Variants in GNAS observed in about 807,000 individuals in gnomAD.
The protein encoded by GNAS is protein ALEX.
GNAS carries 8 observed loss-of-function variants against 54.5 expected under a neutral mutation model. That is an observed-to-expected ratio of 0.15 (90% CI 0.09 to 0.26). The LOEUF is 0.26. Among genes scored for constraint, GNAS ranks in the 10% least tolerant of loss-of-function variants. The pLI is 1.00. For missense variants in GNAS, 170 were observed against 529.8 expected, an observed-to-expected ratio of 0.32 and a Z score of 6.67; for synonymous variants, 204 against 191.4, an observed-to-expected ratio of 1.07 and a Z score of -0.54.
At chr20:58,896,536 G>GGAACATT (rs2090064183) in intron 2 of GNAS, among the ~76,000 whole-genome samples, 1 of 151,902 alleles carries the variant, frequency 6.6e-6, no homozygotes, top group African/African-American at 2.4e-5. Context: ...ATGCAAACAG[G>GGAACATT]GAACATTCAA....
intron 1 of GNAS, chr20:58,849,023 T>G (rs2145524130): frequency 2.5e-6 from 1 of 396,564 alleles, no homozygotes; most frequent in East Asian, 3.6e-5. Context: ...CAATTCCTAT[T>G]TAAATCTAAG....
upstream of GNAS, chr20:58,889,233 C>CGGCGA: frequency 8.4e-7 from 1 of 1,188,510 alleles, no homozygotes; most frequent in South Asian, 1.4e-5. Flanking sequence ...CGGCGCGGCG[C>CGGCGA]TCCCCTGCTC....
intron 1 of GNAS, among the ~76,000 whole-genome samples, chr20:58,848,047 T>C (rs1479955671): frequency 6.6e-6 from 1 of 152,232 alleles, no homozygotes; most frequent in Non-Finnish European, 1.5e-5. Flanking sequence ...ATTCTTTCTA[T>C]TGGGGGTTCC....
chr20:58,853,401 G>A lies in GNAS; in HGVS notation c.43+12515G>A. The A allele has an allele frequency of 6.4e-7, 1 of 1,572,352 alleles. No individual in the cohort carries two copies. The highest frequency in any genetic ancestry group is 1.2e-5 in the South Asian group (1 of 86,324). On this transcript the variant is annotated intron_variant, in intron 1 of 12. Coordinates refer to the GNAS transcript ENST00000306090. This position sits in a 1 kb window ranked among gnomAD's most constrained non-coding sequence, Gnocchi z 4.4. ...TGCCCCCGGTGCTGGGCCTAGCCCA[G>A]CCGAAGAGATGGAGACCGAACCGCC...
Position 58,853,315 on chromosome 20 carries a change from A to T in GNAS, c.43+12429A>T. On this transcript the variant is annotated intron_variant, in intron 1 of 12. Coordinates refer to the GNAS transcript ENST00000306090. This position sits in a 1 kb window ranked among gnomAD's most constrained non-coding sequence, Gnocchi z 4.4. ...GGCAATAATATGTCAGGACAACGCG[A>T]TATCCCCCCTGAAATCGGGGAACAG... 6.5e-7 allele frequency: 1 copy of T among 1,550,288 alleles called. No individual in the cohort carries two copies. Among genetic ancestry groups the T allele is most frequent in the Non-Finnish European group, 8.7e-7 (1 of 1,146,680 alleles).
At chr20:58,882,716 G>A (rs1318370243) in intron 1 of GNAS, among the ~76,000 whole-genome samples, 1 of 152,194 alleles carries the variant, frequency 6.6e-6, no homozygotes, top group East Asian at 1.9e-4. Flanking sequence ...TGGTGGTGGG[G>A]TGGAGGTGGG....
rs751594909 is a variant in GNAS, at chr20:58,910,760, C to T, written c.1116C>T (p.Ile372=). The stretch of plus-strand genomic sequence containing the variant: ...CCTGCGCTGTGGACACTGAGAACAT[C>T]CGCCGTGTGTTCAACGACTGCCGTG... ...HFTCAVDTEN[I]RRVFNDCRDI... The change falls in exon 13 of 13, where the codon ATC becomes ATT. Residue 372 remains isoleucine, a synonymous_variant. Transcript: ENST00000371085. The surrounding 1 kb of genome is among the most constrained non-coding windows in gnomAD (Gnocchi z 5.8). 8 of 1,613,728 alleles carry T rather than the reference C, an allele frequency of 5.0e-6. No individual in the cohort carries two copies. Among genetic ancestry groups the T allele is most frequent in the Non-Finnish European group, 6.8e-6 (8 of 1,179,720 alleles).
chr20:58,889,506 T>G (rs3746705), upstream of GNAS: 5 of 232,448 alleles, frequency 2.2e-5, no homozygotes, highest in East Asian at 9.4e-4. Context: ...TCTTTTCTCT[T>G]CTCCATTGGC....
At chr20:58,846,346 A>G (rs1034254681) in intron 1 of GNAS, among the ~76,000 whole-genome samples, 2 of 152,172 alleles carry the variant, frequency 1.3e-5, no homozygotes, top group African/African-American at 4.8e-5. Context: ...AACATTAGGA[A>G]GGGCATTTTT....
At chr20:58,896,917 C>A (rs138841196) in intron 2 of GNAS, among the ~76,000 whole-genome samples, 6 of 152,292 alleles carry the variant, frequency 3.9e-5, no homozygotes, top group African/African-American at 1.4e-4. Context: ...AAAACCTTTA[C>A]TAGTCACTAA....
chr20:58,891,967 C>T lies in GNAS; in HGVS notation c.139+102C>T, dbSNP rs1050512385. 5 of 777,686 alleles carry T rather than the reference C, an allele frequency of 6.4e-6. No homozygotes were observed. The East Asian group carries it at 3.9e-4, about 61-fold the overall frequency. 48.2% of individuals were successfully genotyped at this position (777,686 alleles called of 1,614,324 possible). A position where few individuals can be genotyped will look rare whatever the true frequency, so the allele number is the denominator to read the frequency against. ...CGCCCCCCGCCCCGGGCGCGCGCTC[C>T]CGAGCCCCCCGCCCGTTCGCGGGCT... On this transcript the variant is annotated intron_variant, in intron 1 of 12. Coordinates refer to ENST00000371085, the MANE Select transcript of GNAS (RefSeq NM_000516.7).
chr20:58,854,486 C>T, intron 1 of GNAS: 1 of 1,582,916 alleles, frequency 6.3e-7, no homozygotes, highest in Non-Finnish European at 8.6e-7. Flanking sequence ...CCGGGGCAAC[C>T]CCAGAAGATC....
chr20:58,848,250 C>T (rs1310865107), intron 1 of GNAS, among the ~76,000 whole-genome samples: 3 of 152,190 alleles, frequency 2.0e-5, no homozygotes, highest in African/African-American at 7.2e-5. Flanking sequence ...TTTCGACAGC[C>T]AATCCTGTCC....
Position 58,910,646 on chromosome 20 carries a change from G to T in GNAS, c.1039-37G>T. 1 of 1,613,486 alleles carries T rather than the reference G, an allele frequency of 6.2e-7. No individual in the cohort carries two copies. Among genetic ancestry groups the T allele is most frequent in the Non-Finnish European group, 8.5e-7 (1 of 1,179,462 alleles). On this transcript the variant is annotated intron_variant, in intron 12 of 12. Transcript: ENST00000371085. The surrounding 1 kb of genome is among the most constrained non-coding windows in gnomAD (Gnocchi z 5.8). The stretch of plus-strand genomic sequence containing the variant: ...TCAGGGATAGGGTGGTTCCTGGCGA[G>T]GGTGTCACTGACAAGTCCCCTTGTT...
chr20:58,840,238 C>T, upstream of GNAS: 1 of 1,611,154 alleles, frequency 6.2e-7, no homozygotes. This position sits in a 1 kb window ranked among gnomAD's most constrained non-coding sequence, Gnocchi z 6.0. Context: ...TCCTCCGCGC[C>T]CTTGCCACCT....
Position 58,899,851 on chromosome 20 carries a change from CAAAG to C in GNAS, c.257+870_257+873del. 3 of 702,580 alleles carry C rather than the reference CAAAG, an allele frequency of 4.3e-6. 1 individual carries two copies. Among genetic ancestry groups the C allele is most frequent in the South Asian group, 3.1e-5 (2 of 64,970 alleles). The allele number at this position is 702,580 out of a possible 1,614,324, so 43.5% of individuals were successfully genotyped here. On this transcript the variant is annotated intron_variant, in intron 3 of 12. Coordinates refer to ENST00000371085, the MANE Select transcript of GNAS (RefSeq NM_000516.7). ...ACCATTGACTTAGTTTAGGGCATCT[CAAAG>C]AAACAGCTTCTGTGGCCGGGGAGGG...
intron 2 of GNAS, 132 bp from the exon 3 acceptor site, chr20:58,898,809 A>G: frequency 1.2e-6 from 1 of 836,206 alleles, no homozygotes. Flanking sequence ...TGCCGGGAGG[A>G]TGGATGGCTG....
At position 58,841,310 on chromosome 20, in the gene GNAS, G is replaced by A; in HGVS notation, c.43+424G>A. ...TTCTCAGGTGTCCAAAATGTGGTTC[G>A]GAGGTGCGCGCGCCAACTTTCACGA... On this transcript the variant is annotated intron_variant, in intron 1 of 12. Transcript: ENST00000306090. The surrounding 1 kb of genome is among the most constrained non-coding windows in gnomAD (Gnocchi z 5.0). The A allele has an allele frequency of 9.4e-7, 1 of 1,060,858 alleles. No homozygotes were observed. The highest frequency in any genetic ancestry group is 1.1e-6 in the Non-Finnish European group (1 of 876,704). The allele number at this position is 1,060,858 out of a possible 1,614,324, so 65.7% of individuals were successfully genotyped here. A position where few individuals can be genotyped will look rare whatever the true frequency, so the allele number is the denominator to read the frequency against.
At chr20:58,878,647 C>T (rs954939944) in intron 1 of GNAS, among the ~76,000 whole-genome samples, 8 of 152,090 alleles carry the variant, frequency 5.3e-5, no homozygotes, top group Non-Finnish European at 8.8e-5. Context: ...TATCTCCATG[C>T]GTGGTGATTC....
Sources: gnomAD v4.1 joint callset for allele counts (sites outside exome capture counted in the v4.1 genomes callset) on GRCh38, gnomAD v4.1.1 for gene constraint, Gnocchi (gnomAD v3.1) non-coding constraint, MANE v1.5 for transcripts, NCBI Gene and HGNC (gene_info 2026-07-23, HGNC 2026-07-21) for gene names.